Variants in LIMCH1 observed in about 807,000 individuals in gnomAD.
LIMCH1 encodes the protein LIM and calponin homology domains 1, also known as LIM and calponin homology domains-containing protein 1.
LIMCH1 carries 113 observed loss-of-function variants against 176.5 expected under a neutral mutation model. The observed-to-expected ratio is 0.64, with a 90% CI of 0.55 to 0.75. The LOEUF (loss-of-function observed/expected upper bound fraction) is 0.75, where lower values mean the gene tolerates loss of function less well. Among genes scored for constraint, LIMCH1 ranks in the 30% least tolerant of loss-of-function variants. The probability of loss-of-function intolerance (pLI) is 0.00; values close to 1 mark genes in which losing one functional copy is unlikely to be tolerated. For missense variants in LIMCH1, 1,674 were observed against 1,814.9 expected, an observed-to-expected ratio of 0.92 and a Z score of 1.41; for synonymous variants, 619 against 645.9, an observed-to-expected ratio of 0.96 and a Z score of 0.63.
chr4:41,409,877 A>C (rs1245190341), intron 1 of LIMCH1, among the ~76,000 whole-genome samples: 2 of 152,222 alleles, frequency 1.3e-5, no homozygotes, highest in African/African-American at 2.4e-5. Context: ...AGTAATAGCC[A>C]ACTTAATTCA....
intron 1 of LIMCH1, among the ~76,000 whole-genome samples, chr4:41,417,560 G>T (rs956150849): frequency 7.9e-5 from 12 of 152,268 alleles, no homozygotes; most frequent in African/African-American, 2.9e-4. Flanking sequence ...TTGCTCTGTT[G>T]CCCAGGCTGG....
intron 7 of LIMCH1, among the ~76,000 whole-genome samples, chr4:41,621,002 T>A (rs2092534907): frequency 6.6e-6 from 1 of 152,216 alleles, no homozygotes; most frequent in Non-Finnish European, 1.5e-5. Context: ...CATTGTATTT[T>A]TCTATTGTTT....
intron 13 of LIMCH1, among the ~76,000 whole-genome samples, chr4:41,634,201 C>T (rs560601289): frequency 2.7e-4 from 41 of 152,202 alleles, no homozygotes; most frequent in South Asian, 8.3e-4. Context: ...TCAACATTAG[C>T]AAACACTCGT....
intron 1 of LIMCH1, among the ~76,000 whole-genome samples, chr4:41,460,402 C>T (rs1022554475): frequency 3.5e-5 from 5 of 143,156 alleles, no homozygotes; most frequent in African/African-American, 1.1e-4. Flanking sequence ...ACACGTTGGC[C>T]TTGGTCTGTA....
At chr4:41,520,592 T>G (rs1021997613) in intron 2 of LIMCH1, among the ~76,000 whole-genome samples, 1 of 152,214 alleles carries the variant, frequency 6.6e-6, no homozygotes, top group Non-Finnish European at 1.5e-5. Context: ...TTGCTTGTCT[T>G]GTTCACTGTT....
At chr4:41,438,492 C>T (rs778470504) in intron 1 of LIMCH1, among the ~76,000 whole-genome samples, 17 of 151,956 alleles carry the variant, frequency 1.1e-4, no homozygotes, top group Admixed American at 7.9e-4. Flanking sequence ...CCTCCCGCCA[C>T]GACACCTGGC....
At chr4:41,510,271 T>C in intron 2 of LIMCH1, among the ~76,000 whole-genome samples, 1 of 152,208 alleles carries the variant, frequency 6.6e-6, no homozygotes, top group East Asian at 1.9e-4. Flanking sequence ...GAATGATCAA[T>C]TAATTTAAGA....
At chr4:41,578,843 A>C (rs573733573) in intron 1 of LIMCH1, among the ~76,000 whole-genome samples, 16 of 151,988 alleles carry the variant, frequency 1.1e-4, no homozygotes, top group Non-Finnish European at 1.2e-4. Context: ...CTAGGATTAC[A>C]GGCATGCAAA....
chr4:41,538,887 T>G (rs2152466414), intron 1 of LIMCH1, among the ~76,000 whole-genome samples: 1 of 151,840 alleles, frequency 6.6e-6, no homozygotes, highest in East Asian at 1.9e-4. Context: ...CAGGGAGGAG[T>G]CTGGAGGGAA....
At chr4:41,593,647 G>A (rs887788665) in intron 1 of LIMCH1, among the ~76,000 whole-genome samples, 1 of 152,198 alleles carries the variant, frequency 6.6e-6, no homozygotes, top group Admixed American at 6.5e-5. Context: ...AGCGAATACA[G>A]GGTCATCCAG....
rs753229984 is a variant in LIMCH1, at chr4:41,685,846, C to T, written c.4088+16C>T. 5.6e-6 allele frequency: 9 copies of T among 1,606,664 alleles called. 1 individual carries two copies. The South Asian group carries it at 9.0e-5, about 16-fold the overall frequency. ...AAAGGCGGAAGTGAGTAACCAGACA[C>T]GATGGTTGTGGGATTCCCTTTTTTA... is the stretch of plus-strand genomic sequence containing the variant. On this transcript the variant is annotated intron_variant, in intron 28 of 31. Coordinates refer to ENST00000503057, the MANE Select transcript of LIMCH1 (RefSeq NM_001330672.2).
At chr4:41,515,783 C>T (rs2075511273) in intron 2 of LIMCH1, among the ~76,000 whole-genome samples, 1 of 152,168 alleles carries the variant, frequency 6.6e-6, no homozygotes, top group African/African-American at 2.4e-5. Context: ...GGATCCCAAT[C>T]CTGGAACTCT....
In LIMCH1 at chr4:41,689,541, A is replaced by G; in HGVS notation, c.4181A>G (p.Lys1394Arg). ...GQSPNRSISG[K>R]KLCSSCGLPL... ...TTTAAACCTAGGTCTATAAGTGGAAAGAAGCTGTGCTCTTCCTGTGGGCTT... is the reference window on the plus strand; with the variant it reads ...TTTAAACCTAGGTCTATAAGTGGAAGGAAGCTGTGCTCTTCCTGTGGGCTT... Residue 1394 changes from lysine (K) to arginine (R), a missense_variant, in exon 30 of 32, where the codon AAG becomes AGG. This residue lies in a region of LIMCH1 where 1,015 missense variants were observed against 1,102.5 expected (regional missense o/e 0.92). Coordinates refer to ENST00000503057, the MANE Select transcript of LIMCH1 (RefSeq NM_001330672.2). The G allele has an allele frequency of 6.2e-7, 1 of 1,604,784 alleles. No homozygotes were observed. The highest frequency in any genetic ancestry group is 8.5e-7 in the Non-Finnish European group (1 of 1,171,636).
intron 1 of LIMCH1, among the ~76,000 whole-genome samples, chr4:41,554,286 A>C (rs2080938484): frequency 6.6e-6 from 1 of 152,184 alleles, no homozygotes; most frequent in African/African-American, 2.4e-5. Flanking sequence ...TTGCTCATGC[A>C]TCTGAGATGG....
intron 1 of LIMCH1, among the ~76,000 whole-genome samples, chr4:41,429,136 C>T (rs1187836940): frequency 6.6e-6 from 1 of 152,148 alleles, no homozygotes. Context: ...TGAATTCCTC[C>T]TCCCAACTTG....
At position 41,495,611 on chromosome 4, in the gene LIMCH1, G is replaced by A. The variant is rs77405234; in HGVS notation, c.167+1005G>A. On this transcript the variant is annotated intron_variant, in intron 2 of 26. Transcript: ENST00000313860. ...GAAGGAATGTGGGTTTGGAGCCTGT[G>A]GACTAGAGATTGATGTTCTTACTTT... Among the ~76,000 whole-genome samples the A allele has an allele frequency of 4.2e-4, 64 of 152,162 alleles. 1 individual carries two copies. In the East Asian group the frequency reaches 0.01, roughly 25 times the overall value.
At chr4:41,418,510 T>A (rs1470646342) in intron 1 of LIMCH1, among the ~76,000 whole-genome samples, 1 of 152,168 alleles carries the variant, frequency 6.6e-6, no homozygotes, top group Non-Finnish European at 1.5e-5. Context: ...TCACCAGGCC[T>A]TCAACACCCA....
intron 1 of LIMCH1, among the ~76,000 whole-genome samples, chr4:41,463,679 G>C (rs1476109498): frequency 5.9e-5 from 9 of 151,602 alleles, no homozygotes; most frequent in African/African-American, 1.7e-4. Context: ...CAGCTCAGGC[G>C]ATGCTTCCAC....
intron 1 of LIMCH1, among the ~76,000 whole-genome samples, chr4:41,449,476 C>T (rs903504212): frequency 1.3e-5 from 2 of 152,100 alleles, no homozygotes; most frequent in Non-Finnish European, 2.9e-5. Context: ...ATTTTAGGCC[C>T]CAGGGATTGG....
Sources: gnomAD v4.1 joint callset for allele counts (sites outside exome capture counted in the v4.1 genomes callset) on GRCh38, gnomAD v4.1.1 for gene constraint, gnomAD v4.1.1 regional missense constraint, MANE v1.5 for transcripts, NCBI Gene and HGNC (gene_info 2026-07-23, HGNC 2026-07-21) for gene names.